The following ZNF254 variants were observed in gnomAD, a reference collection of about 807,000 sequenced individuals.
The protein encoded by ZNF254 is zinc finger protein 254.
Under a neutral mutation model 12.4 loss-of-function variants are expected in ZNF254, and 10 were observed. The observed-to-expected ratio is 0.80, with a 90% confidence interval of 0.50 to 1.36. The LOEUF (loss-of-function observed/expected upper bound fraction) is 1.36. ZNF254 is among the 40% of genes most tolerant of loss of function. The pLI is 0.00. For missense variants in ZNF254, 996 were observed against 763.9 expected, an observed-to-expected ratio of 1.30 and a Z score of -3.58; for synonymous variants, 305 against 253.4, an observed-to-expected ratio of 1.20 and a Z score of -1.93.
intron 1 of ZNF254, among the ~76,000 whole-genome samples, chr19:24,042,075 A>G (rs62113669): frequency 0.18 from 23,669 of 134,446 alleles, 2,056 homozygotes; most frequent in Middle Eastern, 0.26. Context: ...AAATACACCA[A>G]TCGGCACTCT....
At chr19:24,036,437 T>C (rs1232025043) in intron 1 of ZNF254, among the ~76,000 whole-genome samples, 1 of 152,090 alleles carries the variant, frequency 6.6e-6, no homozygotes, top group African/African-American at 2.4e-5. Context: ...CCCCAGTTTA[T>C]AGGAACTGGC....
rs141456154 is a variant in ZNF254 at position 24,127,616 on chromosome 19, T to C, written c.1616T>C (p.Ile539Thr). 253 of 1,608,296 alleles carry C rather than the reference T, an allele frequency of 1.6e-4. No homozygotes were observed. The highest frequency in any genetic ancestry group is 2.1e-4 in the Non-Finnish European group (242 of 1,176,948). The stretch of plus-strand genomic sequence containing the variant: ...TCAACTCTTACTAAACATAAGATAA[T>C]TCATACTGAAGAGAAACCCTACAAA... ...WSSTLTKHKI[I>T]HTEEKPYKCE... Residue 539 changes from isoleucine to threonine, a missense_variant, in exon 4 of 4, where the codon ATT (isoleucine) becomes ACT (threonine). Ile to Thr is a moderately conservative substitution (Grantham distance 89, BLOSUM62 -1). Coordinates refer to ENST00000357002, the MANE Select transcript of ZNF254 (RefSeq NM_203282.4).
chr19:24,108,611 A>T (rs1330343496), intron 3 of ZNF254, among the ~76,000 whole-genome samples: 1 of 152,196 alleles, frequency 6.6e-6, no homozygotes, highest in Non-Finnish European at 1.5e-5. Context: ...TACAGGTGTG[A>T]ACCATGATGC....
At chr19:24,103,287 T>C (rs757045257) in intron 1 of ZNF254, among the ~76,000 whole-genome samples, 2 of 152,204 alleles carry the variant, frequency 1.3e-5, no homozygotes, top group Non-Finnish European at 2.9e-5. Context: ...ATGCTAACAA[T>C]GAGCCCAGAG....
chr19:24,087,348 C>G lies in ZNF254; in HGVS notation c.30+11C>G, dbSNP rs1264117814. ...AGAAGCCTAGAAATGGTGAGAATGC[C>G]AGTCCGACATCCCGAGAGAGGGGAG... On this transcript the variant is annotated intron_variant, in intron 1 of 3. Transcript: ENST00000357002. 2 of 1,613,532 alleles carry G rather than the reference C, an allele frequency of 1.2e-6. No homozygotes were observed. The highest frequency in any genetic ancestry group is 8.5e-7 in the Non-Finnish European group (1 of 1,179,670).
intron 2 of ZNF254, among the ~76,000 whole-genome samples, chr19:24,049,215 T>TATATATATATATA (rs1491192531): frequency 8.6e-4 from 23 of 26,596 alleles, no homozygotes; most frequent in African/African-American, 2.2e-3. Flanking sequence ...TATATATATA[T>TATATATATATATA]TTTTTTTTTT....
intron 1 of ZNF254, among the ~76,000 whole-genome samples, chr19:24,095,456 A>G (rs1273506255): frequency 1.3e-5 from 2 of 152,238 alleles, no homozygotes; most frequent in Non-Finnish European, 2.9e-5. Context: ...TTCTGTAGAA[A>G]TAATAATCAG....
chr19:24,087,208 C>G lies in ZNF254; in HGVS notation c.-100C>G, dbSNP rs1168807701. Reference sequence around the variant, plus strand: ...CGGGGCCTTTGTCTCTCGCTGTCGCCGGAGTCCCAGGTCTGTCTTCACTGC... The same window carrying G: ...CGGGGCCTTTGTCTCTCGCTGTCGCGGGAGTCCCAGGTCTGTCTTCACTGC... On this transcript the variant is annotated 5_prime_UTR_variant, in exon 1 of 4. Transcript: ENST00000357002. 4 of 1,533,260 alleles carry G rather than the reference C, an allele frequency of 2.6e-6. No homozygotes were observed. The highest frequency in any genetic ancestry group is 1.4e-5 in the African/African-American group (1 of 73,114). 95.0% of individuals were successfully genotyped at this position (1,533,260 alleles called of 1,614,324 possible). A position where few individuals can be genotyped will look rare whatever the true frequency, so the allele number is the denominator to read the frequency against.
upstream of ZNF254, among the ~76,000 whole-genome samples, chr19:24,085,740 TCAGC>T (rs1972014205): frequency 1.4e-5 from 2 of 147,996 alleles, no homozygotes; most frequent in African/African-American, 5.0e-5. Context: ...CCACTGCACT[TCAGC>T]CTGGGCGAAA....
At chr19:24,068,603 C>G (rs920580762) in intron 2 of ZNF254, among the ~76,000 whole-genome samples, 1 of 152,078 alleles carries the variant, frequency 6.6e-6, no homozygotes, top group South Asian at 2.1e-4. Flanking sequence ...ACCCAGTCTA[C>G]CTGCAGCCAT....
At chr19:24,096,561 G>T (rs980640108) in intron 1 of ZNF254, among the ~76,000 whole-genome samples, 3 of 152,142 alleles carry the variant, frequency 2.0e-5, no homozygotes, top group African/African-American at 7.2e-5. Flanking sequence ...ATTTGCTGAG[G>T]ATTATTCTAT....
intron 3 of ZNF254, among the ~76,000 whole-genome samples, chr19:24,116,160 G>A (rs1974057837): frequency 6.6e-6 from 1 of 152,066 alleles, no homozygotes; most frequent in Non-Finnish European, 1.5e-5. Context: ...TGGTCAATAT[G>A]ACAATTATGT....
chr19:24,112,860 C>G (rs916618699), intron 3 of ZNF254, among the ~76,000 whole-genome samples: 1 of 152,084 alleles, frequency 6.6e-6, no homozygotes, highest in Non-Finnish European at 1.5e-5. Flanking sequence ...CACCACTGAT[C>G]CCACAGAAAT....
intron 1 of ZNF254, among the ~76,000 whole-genome samples, chr19:24,087,874 A>ATAATTGGC (rs967913824): frequency 6.6e-5 from 10 of 150,990 alleles, no homozygotes; most frequent in Non-Finnish European, 1.3e-4. Flanking sequence ...ACCAAATTCA[A>ATAATTGGC]TAATTGGCTA....
chr19:24,099,408 A>G (rs1972875139), intron 1 of ZNF254, among the ~76,000 whole-genome samples: 1 of 152,100 alleles, frequency 6.6e-6, no homozygotes, highest in Admixed American at 6.5e-5. Context: ...GCTGTATGTC[A>G]GTGGCAGGTG....
chr19:24,051,191 T>C (rs1035430556), intron 2 of ZNF254, among the ~76,000 whole-genome samples: 2 of 151,220 alleles, frequency 1.3e-5, no homozygotes, highest in African/African-American at 4.9e-5. Context: ...AGAGTCTGGC[T>C]TTGTTGCCCC....
intron 2 of ZNF254, among the ~76,000 whole-genome samples, chr19:24,081,670 G>C (rs1971850019): frequency 6.6e-6 from 1 of 152,106 alleles, no homozygotes; most frequent in African/African-American, 2.4e-5. Context: ...GTTCAGCATA[G>C]AGGAGCATAC....
At chr19:24,101,274 C>G (rs1205722524) in intron 1 of ZNF254, among the ~76,000 whole-genome samples, 2 of 152,200 alleles carry the variant, frequency 1.3e-5, no homozygotes, top group African/African-American at 4.8e-5. Context: ...CTAGAATCTG[C>G]AAATAAGGTC....
upstream of ZNF254, among the ~76,000 whole-genome samples, chr19:24,083,429 A>C (rs539557412): frequency 6.6e-6 from 1 of 152,310 alleles, no homozygotes; most frequent in African/African-American, 2.4e-5. Context: ...TATGAAAATA[A>C]CATCATAATT....
Sources: allele counts gnomAD v4.1 joint callset (sites outside exome capture counted in the v4.1 genomes callset), GRCh38; gene constraint gnomAD v4.1.1; transcripts MANE v1.5; gene names NCBI Gene and HGNC (gene_info 2026-07-23, HGNC 2026-07-21).